Variants in FBXL20 observed in about 807,000 individuals in gnomAD.
The protein encoded by FBXL20 is F-box/LRR-repeat protein 20.
In FBXL20, 11 loss-of-function variants were observed where a neutral mutation model predicts 64.0. The ratio of observed to expected loss-of-function variants is 0.17; its 90% CI spans 0.11 to 0.28. FBXL20 has a LOEUF of 0.28. Ranked by LOEUF, FBXL20 falls within the 10% of genes least tolerant of loss-of-function variation. The probability of loss-of-function intolerance (pLI) is 1.00; values close to 1 mark genes in which losing one functional copy is unlikely to be tolerated. For missense variants in FBXL20, 303 were observed against 526.2 expected (o/e 0.58, Z 4.15); for synonymous variants, 184 against 189.0 (o/e 0.97, Z 0.22).
chr17:39,367,500 A>G (rs1469397540), intron 1 of FBXL20, among the ~76,000 whole-genome samples: 1 of 150,734 alleles, frequency 6.6e-6, no homozygotes, highest in Non-Finnish European at 1.5e-5. Flanking sequence ...TATTTTTGGT[A>G]GAGACAGGGT....
At chr17:39,325,594 T>C (rs556592803) in intron 2 of FBXL20, among the ~76,000 whole-genome samples, 21 of 152,114 alleles carry the variant, frequency 1.4e-4, no homozygotes, top group Non-Finnish European at 3.1e-4. Flanking sequence ...TCAGAACATT[T>C]AGAAAATGGA....
intron 1 of FBXL20, among the ~76,000 whole-genome samples, chr17:39,386,635 A>C (rs1387144144): frequency 1.3e-5 from 2 of 152,098 alleles, no homozygotes; most frequent in Admixed American, 1.3e-4. Flanking sequence ...AAAAATAATA[A>C]TAATAAATTT....
chr17:39,274,132 C>T lies in FBXL20; in HGVS notation c.827+838G>A, dbSNP rs2046870729. Among the ~76,000 whole-genome samples the T allele has an allele frequency of 2.0e-5, 3 of 152,328 alleles. No homozygotes were observed. In the South Asian group the frequency reaches 6.2e-4, roughly 32 times the overall value. ...TCAAGCGATCTTCTAGCCTCGGTCT[C>T]CCTAAATGCTGGGATCACAGGTGTG... On this transcript the variant is annotated intron_variant, in intron 10 of 14. Transcript: ENST00000264658.
At chr17:39,318,734 C>T (rs2047320828) in intron 2 of FBXL20, among the ~76,000 whole-genome samples, 1 of 151,672 alleles carries the variant, frequency 6.6e-6, no homozygotes, top group African/African-American at 2.4e-5. Context: ...GAGCCAAACT[C>T]CATCTTAAAC....
chr17:39,328,151 G>T (rs931684494), intron 2 of FBXL20, among the ~76,000 whole-genome samples: 1 of 150,284 alleles, frequency 6.7e-6, no homozygotes, highest in African/African-American at 2.5e-5. Context: ...GGGAGGCTGC[G>T]GCAGGAGAAT....
At chr17:39,266,065 C>CTTTTTTTTTTTTTTTTTTT in intron 12 of FBXL20, among the ~76,000 whole-genome samples, 1 of 62,734 alleles carries the variant, frequency 1.6e-5, no homozygotes, top group Non-Finnish European at 3.0e-5. Context: ...CTCATTCATT[C>CTTTTTTTTTTTTTTTTTTT]TTTTTTTTTT....
upstream of FBXL20, chr17:39,401,718 C>A (rs189847054): frequency 9.0e-7 from 1 of 1,114,744 alleles, no homozygotes; most frequent in Non-Finnish European, 1.1e-6. Flanking sequence ...CTCGGAGCGC[C>A]CGGGAGGGGG....
intron 6 of FBXL20, among the ~76,000 whole-genome samples, chr17:39,291,358 G>T (rs1396047198): frequency 6.6e-6 from 1 of 151,388 alleles, no homozygotes; most frequent in Non-Finnish European, 1.5e-5. Context: ...GGTAGGTAGG[G>T]AGGGAGGGAG....
intron 6 of FBXL20, among the ~76,000 whole-genome samples, chr17:39,295,307 T>C (rs546341616): frequency 6.6e-6 from 1 of 152,160 alleles, no homozygotes; most frequent in Non-Finnish European, 1.5e-5. Flanking sequence ...TGCTCTTTCA[T>C]CTAGGCTGGA....
At chr17:39,321,603 C>T (rs1408864507) in intron 2 of FBXL20, among the ~76,000 whole-genome samples, 1 of 151,360 alleles carries the variant, frequency 6.6e-6, no homozygotes, top group Non-Finnish European at 1.5e-5. Flanking sequence ...CATGGTAAAA[C>T]CTCATCTCTA....
At chr17:39,399,954 G>C (rs1422125946) in intron 1 of FBXL20, among the ~76,000 whole-genome samples, 1 of 152,138 alleles carries the variant, frequency 6.6e-6, no homozygotes, top group Non-Finnish European at 1.5e-5. Context: ...CAAGATTCCT[G>C]TTAACTGCTG....
intron 1 of FBXL20, among the ~76,000 whole-genome samples, chr17:39,369,063 T>A (rs1456718084): frequency 6.6e-6 from 1 of 152,140 alleles, no homozygotes; most frequent in Non-Finnish European, 1.5e-5. Context: ...TCCCTTATTA[T>A]CATTTTAATG....
At chr17:39,306,455 T>C (rs1597787571) in intron 2 of FBXL20, among the ~76,000 whole-genome samples, 1 of 152,186 alleles carries the variant, frequency 6.6e-6, no homozygotes, top group Non-Finnish European at 1.5e-5. Flanking sequence ...CTTCCAAAGA[T>C]TTTATAATTT....
chr17:39,320,870 A>T (rs1165455866), intron 2 of FBXL20, among the ~76,000 whole-genome samples: 2 of 152,176 alleles, frequency 1.3e-5, no homozygotes, highest in African/African-American at 2.4e-5. Flanking sequence ...TGCTGTGACT[A>T]CAAGCCGTGC....
intron 1 of FBXL20, among the ~76,000 whole-genome samples, chr17:39,372,616 AT>A (rs200200903): frequency 0.045 from 6,201 of 138,490 alleles, 413 homozygotes; most frequent in African/African-American, 0.15. Flanking sequence ...CTGTTTGATA[AT>A]TTTTTTTTTT....
At chr17:39,397,153 G>A (rs924557933) in intron 1 of FBXL20, among the ~76,000 whole-genome samples, 14 of 152,026 alleles carry the variant, frequency 9.2e-5, no homozygotes, top group African/African-American at 2.7e-4. Context: ...TGATCCACCC[G>A]CTTTGGCCTC....
intron 6 of FBXL20, among the ~76,000 whole-genome samples, chr17:39,296,559 C>CAAAAAAAAAAAAA (rs60002793): frequency 1.6e-5 from 1 of 62,162 alleles, no homozygotes; most frequent in African/African-American, 5.2e-5. Flanking sequence ...GACTCTGTCT[C>CAAAAAAAAAAAAA]AAAAAAAAAA....
intron 1 of FBXL20, among the ~76,000 whole-genome samples, chr17:39,372,414 G>A (rs2047926703): frequency 6.7e-6 from 1 of 149,838 alleles, no homozygotes; most frequent in African/African-American, 2.5e-5. Flanking sequence ...AGCTACTTGG[G>A]AGGCTGAGGC....
chr17:39,330,289 T>C (rs1477092133), intron 2 of FBXL20, among the ~76,000 whole-genome samples: 1 of 149,074 alleles, frequency 6.7e-6, no homozygotes, highest in African/African-American at 2.5e-5. Context: ...AGAGCAAGAC[T>C]CTGTCTCAAA....
Sources: allele counts gnomAD v4.1 joint callset (sites outside exome capture counted in the v4.1 genomes callset), GRCh38; gene constraint gnomAD v4.1.1; transcripts MANE v1.5; gene names NCBI Gene and HGNC (gene_info 2026-07-23, HGNC 2026-07-21).